Variants in GATAD1 observed in about 807,000 individuals in gnomAD.
GATAD1 encodes the protein GATA zinc finger domain containing 1, also known as GATA zinc finger domain-containing protein 1.
GATAD1 carries 12 observed loss-of-function variants against 26.5 expected under a neutral mutation model. That is an observed-to-expected ratio of 0.45 (90% CI 0.29 to 0.73). The LOEUF is 0.73. GATAD1 is among the 30% of genes least tolerant of loss of function. GATAD1 has a pLI of 0.10. For synonymous variants in GATAD1, 129 were observed against 133.1 expected, an observed-to-expected ratio of 0.97 and a Z score of 0.21; for missense variants, 266 against 342.1, an observed-to-expected ratio of 0.78 and a Z score of 1.75.
At chr7:92,448,107 C>A in intron 1 of GATAD1, 129 bp downstream of exon 1, 1 of 556,272 alleles carries the variant, frequency 1.8e-6, no homozygotes, top group Non-Finnish European at 2.6e-6. Context: ...GAACGCCCCT[C>A]CCCACCTCCT....
chr7:92,456,743 T>C lies in GATAD1; in HGVS notation c.*181T>C. The C allele has an allele frequency of 8.6e-6, 4 of 465,920 alleles. No individual in the cohort carries two copies. Among genetic ancestry groups the C allele is most frequent in the Non-Finnish European group, 3.7e-6 (1 of 266,910 alleles). 28.9% of individuals were successfully genotyped at this position (465,920 alleles called of 1,614,324 possible). On this transcript the variant is annotated 3_prime_UTR_variant, in exon 5 of 5. Transcript: ENST00000287957. The stretch of plus-strand genomic sequence containing the variant: ...AGTACCACAAGATATGTCATAGGTA[T>C]CTTTAAATGAAATTCTTAGCTGGAA...
the GATAD1 span, chr7:92,469,481 T>A: frequency 9.1e-6 from 7 of 768,930 alleles, no homozygotes. Flanking sequence ...TCTTGTTCAG[T>A]GTAGATGGTC....
the GATAD1 span, among the ~76,000 whole-genome samples, chr7:92,481,371 G>A: frequency 6.6e-6 from 1 of 152,202 alleles, no homozygotes; most frequent in Non-Finnish European, 1.5e-5. Context: ...GGAGCAGAAA[G>A]TATATGCGTC....
intron 3 of GATAD1, among the ~76,000 whole-genome samples, chr7:92,451,638 G>T (rs1424941506): frequency 6.6e-6 from 1 of 152,064 alleles, no homozygotes; most frequent in Non-Finnish European, 1.5e-5. Context: ...AGCAGGGCTG[G>T]GAAAAACCAA....
At chr7:92,455,014 T>C (rs1789608380) in intron 4 of GATAD1, among the ~76,000 whole-genome samples, 1 of 152,104 alleles carries the variant, frequency 6.6e-6, no homozygotes, top group Non-Finnish European at 1.5e-5. Flanking sequence ...CCCACCCTTA[T>C]GGTTTCATTT....
the GATAD1 span, among the ~76,000 whole-genome samples, chr7:92,482,639 G>C: frequency 2.0e-5 from 3 of 152,044 alleles, no homozygotes; most frequent in Non-Finnish European, 4.4e-5. Context: ...GGGTTAAGGT[G>C]GGGGGATATG....
At chr7:92,449,678 T>A in intron 2 of GATAD1, 2 of 892,608 alleles carry the variant, frequency 2.2e-6, no homozygotes, top group Non-Finnish European at 2.7e-6. Context: ...ATTTTCTTTT[T>A]TTTTTTTTAA....
chr7:92,448,343 A>G (rs902055357), intron 1 of GATAD1, among the ~76,000 whole-genome samples: 1 of 152,218 alleles, frequency 6.6e-6, no homozygotes. Context: ...TGTAAATGGC[A>G]GCTTAAGTAT....
chr7:92,448,847 A>G lies in GATAD1; in HGVS notation c.345A>G (p.Lys115=). ...AAAAGAAAGTCTCCACCAAAGGAAA[A>G]GGGAGAAGACATATATTTAAATTGA... The part of the protein sequence containing the change: ...AAEKKVSTKG[K]GRRHIFKLKN... The change falls in exon 2 of 5, where the codon AAA becomes AAG. Residue 115 remains lysine, a synonymous_variant. Transcript: ENST00000287957. 6.2e-7 allele frequency: 1 copy of G among 1,610,172 alleles called. No individual in the cohort carries two copies. The highest frequency in any genetic ancestry group is 8.5e-7 in the Non-Finnish European group (1 of 1,176,324).
At chr7:92,470,047 G>A in the GATAD1 span, 5 of 778,660 alleles carry the variant, frequency 6.4e-6, no homozygotes, top group Admixed American at 3.4e-5. Flanking sequence ...AGACATACCA[G>A]TTTGGGTGAA....
chr7:92,468,795 T>G, the GATAD1 span: 1 of 758,950 alleles, frequency 1.3e-6, no homozygotes, highest in Non-Finnish European at 2.4e-6. Context: ...TGGGGCGTAG[T>G]AGAGGTTGTG....
In GATAD1 at chr7:92,447,894, C is replaced by T; in HGVS notation, c.165C>T (p.Ser55=). 8.0e-7 allele frequency: 1 copy of T among 1,257,540 alleles called. No individual in the cohort carries two copies. The highest frequency in any genetic ancestry group is 1.0e-6 in the Non-Finnish European group (1 of 1,000,664). The allele number at this position is 1,257,540 out of a possible 1,614,324, so 77.9% of individuals were successfully genotyped here. ...GSGAAGGTGG[S]GGGGFGAATF... is the part of the protein sequence containing the mutation. ...GGGCGGCTGGAGGGACTGGGGGCAG[C>T]GGCGGCGGCGGCTTCGGCGCGGCGA... Residue 55 remains serine (S), a synonymous_variant, in exon 1 of 5, where the codon AGC becomes AGT. Transcript: ENST00000287957.
At chr7:92,488,708 T>G in the GATAD1 span, among the ~76,000 whole-genome samples, 1 of 152,148 alleles carries the variant, frequency 6.6e-6, no homozygotes, top group South Asian at 2.1e-4. Context: ...ATTTTCCTTC[T>G]TATTTCTTCG....
the GATAD1 span, chr7:92,470,194 G>T: frequency 1.5e-5 from 12 of 778,558 alleles, no homozygotes; most frequent in Non-Finnish European, 2.9e-5. Flanking sequence ...GGTGTGGGCA[G>T]TGAAGGTGGG....
downstream of GATAD1, chr7:92,463,006 C>T (rs942106089): frequency 2.0e-5 from 3 of 152,232 alleles, no homozygotes; most frequent in South Asian, 2.1e-4. Context: ...CATCAGCAGA[C>T]GAATGGATGA....
chr7:92,486,756 C>A, the GATAD1 span, among the ~76,000 whole-genome samples: 1 of 152,096 alleles, frequency 6.6e-6, no homozygotes, highest in Non-Finnish European at 1.5e-5. Context: ...TGTTCCCTTA[C>A]CCCATTACTA....
intron 3 of GATAD1, 112 bp downstream of exon 3, chr7:92,450,872 A>C: frequency 1.5e-6 from 1 of 655,782 alleles, no homozygotes; most frequent in Non-Finnish European, 2.7e-6. Context: ...ATAAGGTGTG[A>C]TTATACTTTT....
Position 92,456,633 on chromosome 7 carries a change from C to A in GATAD1, c.*71C>A. On this transcript the variant is annotated 3_prime_UTR_variant, in exon 5 of 5. Coordinates refer to ENST00000287957, the MANE Select transcript of GATAD1 (RefSeq NM_021167.5). Reference sequence around the variant, plus strand: ...GCCTGTAGCCCCAGCTATTGCACCACTGCTCTCCAAGCTGGGCAATGGAGT... The same window carrying A: ...GCCTGTAGCCCCAGCTATTGCACCAATGCTCTCCAAGCTGGGCAATGGAGT... 1.1e-6 allele frequency: 1 copy of A among 900,876 alleles called. No homozygotes were observed. The highest frequency in any genetic ancestry group is 1.7e-6 in the Non-Finnish European group (1 of 579,592). 55.8% of individuals were successfully genotyped at this position (900,876 alleles called of 1,614,324 possible).
downstream of GATAD1, among the ~76,000 whole-genome samples, chr7:92,461,596 A>AT (rs1286064707): frequency 6.6e-5 from 10 of 152,202 alleles, no homozygotes; most frequent in Non-Finnish European, 1.5e-4. Context: ...GCTTTGATAC[A>AT]TTTTTTAAAT....
Sources: allele counts gnomAD v4.1 joint callset (sites outside exome capture counted in the v4.1 genomes callset), GRCh38; gene constraint gnomAD v4.1.1; transcripts MANE v1.5; gene names NCBI Gene and HGNC (gene_info 2026-07-23, HGNC 2026-07-21).